Variants in BCL7A observed in about 807,000 individuals in gnomAD.
The protein encoded by BCL7A is B-cell CLL/lymphoma 7 protein family member A.
BCL7A carries 11 observed loss-of-function variants against 28.4 expected under a neutral mutation model. That is an observed-to-expected ratio of 0.39 (90% CI 0.24 to 0.64). The LOEUF is 0.64. Among genes scored for constraint, BCL7A ranks in the 30% least tolerant of loss-of-function variants. The pLI, the probability that BCL7A is intolerant of heterozygous loss-of-function variation, is 0.50. For synonymous variants in BCL7A, 123 were observed against 103.3 expected (o/e 1.19, Z -1.15); for missense variants, 222 against 274.8 (o/e 0.81, Z 1.36).
At chr12:122,043,649 G>A (rs932085789) in intron 3 of BCL7A, among the ~76,000 whole-genome samples, 1 of 151,386 alleles carries the variant, frequency 6.6e-6, no homozygotes, top group African/African-American at 2.4e-5. Context: ...GCAAGTACCT[G>A]TAATCCCAGC....
At chr12:122,054,750 G>A in intron 4 of BCL7A, 55 bp from the exon 5 acceptor site, 3 of 1,567,034 alleles carry the variant, frequency 1.9e-6, no homozygotes, top group South Asian at 2.3e-5. Context: ...TGGCCCCACC[G>A]GCCCCGCCTC....
chr12:122,045,131 A>C (rs1207445773), intron 4 of BCL7A, among the ~76,000 whole-genome samples: 2 of 152,190 alleles, frequency 1.3e-5, no homozygotes, highest in African/African-American at 2.4e-5. Flanking sequence ...CTGTAATCCC[A>C]GCACTTTGGG....
At chr12:122,032,368 C>T (rs1593024729) in intron 2 of BCL7A, among the ~76,000 whole-genome samples, 1 of 152,256 alleles carries the variant, frequency 6.6e-6, no homozygotes, top group Admixed American at 6.5e-5. Context: ...AAGGCAGTTC[C>T]TGGCTCCGGC....
chr12:122,041,537 G>A (rs142865757), intron 3 of BCL7A, among the ~76,000 whole-genome samples: 95 of 152,308 alleles, frequency 6.2e-4, no homozygotes, highest in African/African-American at 2.2e-3. Context: ...GGCCAAGACA[G>A]GAGGATCACT....
chr12:122,023,638 A>G (rs1883531586), intron 1 of BCL7A, among the ~76,000 whole-genome samples: 1 of 152,178 alleles, frequency 6.6e-6, no homozygotes, highest in African/African-American at 2.4e-5. Flanking sequence ...AACCGTGAGA[A>G]GGGGAGGCTT....
chr12:122,035,284 A>G (rs951922602), intron 2 of BCL7A, 47 bp from the exon 3 acceptor site: 1 of 1,512,248 alleles, frequency 6.6e-7, no homozygotes, highest in Non-Finnish European at 9.2e-7. Flanking sequence ...ACGTGTGCGC[A>G]CACACATGAT....
At chr12:122,042,232 G>A (rs1217144994) in intron 3 of BCL7A, among the ~76,000 whole-genome samples, 1 of 152,196 alleles carries the variant, frequency 6.6e-6, no homozygotes, top group East Asian at 1.9e-4. Context: ...GTCAAGAACA[G>A]TAGAGAGAGG....
intron 5 of BCL7A, among the ~76,000 whole-genome samples, chr12:122,057,534 G>C (rs28691281): frequency 0.43 from 65,394 of 151,966 alleles, 14,390 homozygotes; most frequent in Middle Eastern, 0.59. Flanking sequence ...CGGGTTGGAG[G>C]GGGGGTGCGG....
chr12:122,041,022 CT>C (rs879371599), intron 3 of BCL7A, among the ~76,000 whole-genome samples: 367 of 146,246 alleles, frequency 2.5e-3, no homozygotes, highest in Admixed American at 2.3e-3. Context: ...ACACATCCTT[CT>C]TTTTTTTTTT....
intron 4 of BCL7A, among the ~76,000 whole-genome samples, chr12:122,048,505 C>G (rs1323818859): frequency 6.6e-6 from 1 of 152,114 alleles, no homozygotes; most frequent in Non-Finnish European, 1.5e-5. Flanking sequence ...AATCCTAGCA[C>G]TTTGGGAGGT....
At position 122,022,078 on chromosome 12, in the gene BCL7A, T is replaced by C. The variant is rs1029075366; in HGVS notation, c.-14T>C. On this transcript the variant is annotated 5_prime_UTR_variant, in exon 1 of 6. Coordinates refer to ENST00000261822, the MANE Select transcript of BCL7A (RefSeq NM_001024808.3). ...GCGGGCGCGCTCCCCAGCCTCCGTCTCCCCGCCGGAACCATGTCGGGCAGG... is the reference window on the plus strand; with the variant it reads ...GCGGGCGCGCTCCCCAGCCTCCGTCCCCCCGCCGGAACCATGTCGGGCAGG... The C allele has an allele frequency of 1.9e-6, 3 of 1,542,516 alleles. No individual in the cohort carries two copies. Among genetic ancestry groups the C allele is most frequent in the East Asian group, 2.4e-5 (1 of 40,890 alleles).
chr12:122,032,162 C>T (rs1027429661), intron 2 of BCL7A, among the ~76,000 whole-genome samples: 1 of 152,204 alleles, frequency 6.6e-6, no homozygotes, highest in Non-Finnish European at 1.5e-5. Flanking sequence ...ATCTGCCCGG[C>T]AAGTCTTGGG....
chr12:122,040,633 G>T (rs1488709392), intron 3 of BCL7A, among the ~76,000 whole-genome samples: 3 of 151,726 alleles, frequency 2.0e-5, no homozygotes, highest in African/African-American at 7.3e-5. Flanking sequence ...AGACACAGGT[G>T]CCCTGTTGAC....
rs1284372166 is a variant in BCL7A, at chr12:122,026,085, G to T, written c.92+3902G>T. Among the ~76,000 whole-genome samples the T allele has an allele frequency of 2.6e-5, 4 of 151,696 alleles. No individual in the cohort carries two copies. The East Asian group carries it at 7.8e-4, about 29-fold the overall frequency. ...GAGATCGAGACCATCCTGGCTAACA[G>T]TGAAACCCCATCTCTACTAAAAATA... On this transcript the variant is annotated intron_variant, in intron 1 of 5. Coordinates refer to ENST00000261822, the MANE Select transcript of BCL7A (RefSeq NM_001024808.3).
chr12:122,054,779 C>T (rs1884274646), intron 4 of BCL7A, 26 bp from the exon 5 acceptor site: 1 of 1,607,322 alleles, frequency 6.2e-7, no homozygotes, highest in Non-Finnish European at 8.5e-7. Context: ...CTGAAAACAG[C>T]TCCTGTCGTC....
chr12:122,027,805 C>G (rs952803404), intron 1 of BCL7A, among the ~76,000 whole-genome samples: 4 of 133,104 alleles, frequency 3.0e-5, no homozygotes, highest in African/African-American at 5.3e-5. Flanking sequence ...CCACTGCACT[C>G]CAGCCTGGGC....
Position 122,043,962 on chromosome 12 carries a change from T to C in BCL7A, c.348T>C (p.Ala116=). The change falls in exon 4 of 6, where the codon GCT becomes GCC. Residue 116 remains alanine (A), a synonymous_variant. Transcript: ENST00000261822. ...AGAACAGCAGCAACTCCAGCCCCGCTCCAGAGCCCAACTCGGCTGTGCCCA... is the reference window on the plus strand; with the variant it reads ...AGAACAGCAGCAACTCCAGCCCCGCCCCAGAGCCCAACTCGGCTGTGCCCA... The part of the protein sequence containing the change: ...KQENSSNSSP[A]PEPNSAVPSD... 6.2e-7 allele frequency: 1 copy of C among 1,613,766 alleles called. No individual in the cohort carries two copies.
chr12:122,031,852 A>C lies in BCL7A; in HGVS notation c.174+1071A>C, dbSNP rs75089098. Among the ~76,000 whole-genome samples the C allele has an allele frequency of 2.4e-3, 359 of 152,286 alleles. 2 individuals carry two copies. Among genetic ancestry groups the C allele is most frequent in the Middle Eastern group, 0.014 (4 of 294 alleles). ...TGCCCCGAGCAGACAGTGCTCTCCC[A>C]ACTTCGTGGTTCCCAGGCCAGTTAC... On this transcript the variant is annotated intron_variant, in intron 2 of 5. Transcript: ENST00000261822.
chr12:122,021,926 G>GTATA lies in BCL7A; in HGVS notation c.-165_-164insATAT. On this transcript the variant is annotated 5_prime_UTR_variant, in exon 1 of 6. It adds an upstream start codon to the 5' untranslated region. Coordinates refer to ENST00000261822, the MANE Select transcript of BCL7A (RefSeq NM_001024808.3). The stretch of plus-strand genomic sequence containing the variant: ...CGGCGGCCCCGGGCTTTGTGTGTGT[G>GTATA]TGTATGTGTGTGTGTGTGTGTGTGT... 4 of 422,212 alleles carry GTATA rather than the reference G, an allele frequency of 9.5e-6. No individual in the cohort carries two copies. The highest frequency in any genetic ancestry group is 8.0e-5 in the Admixed American group (2 of 24,948). The allele number at this position is 422,212 out of a possible 1,614,324, so 26.2% of individuals were successfully genotyped here.
Sources: allele counts gnomAD v4.1 joint callset (sites outside exome capture counted in the v4.1 genomes callset), GRCh38; gene constraint gnomAD v4.1.1; transcripts MANE v1.5; gene names NCBI Gene and HGNC (gene_info 2026-07-23, HGNC 2026-07-21).